Variants in WDR7 observed in about 807,000 individuals in gnomAD.
The protein encoded by WDR7 is WD repeat domain 7, also known as WD repeat-containing protein 7.
In WDR7, 46 loss-of-function variants were observed where a neutral mutation model predicts 169.4. That is an observed-to-expected ratio of 0.27 (90% CI 0.21 to 0.35). The LOEUF (loss-of-function observed/expected upper bound fraction) is 0.35, where lower values mean the gene tolerates loss of function less well. Among genes scored for constraint, WDR7 ranks in the 10% least tolerant of loss-of-function variants. The probability of loss-of-function intolerance (pLI) is 1.00; values close to 1 mark genes in which losing one functional copy is unlikely to be tolerated. For synonymous variants in WDR7, 612 were observed against 666.8 expected (o/e 0.92, Z 1.27); for missense variants, 1,534 against 1,859.3 (o/e 0.83, Z 3.22).
At chr18:56,665,257 C>T (rs2144482139) in intron 1 of WDR7, among the ~76,000 whole-genome samples, 1 of 150,198 alleles carries the variant, frequency 6.7e-6, no homozygotes. Flanking sequence ...TGCACCACTG[C>T]ACTCCCGCCT....
chr18:56,891,773 G>A (rs942544524), intron 21 of WDR7, among the ~76,000 whole-genome samples: 1 of 152,028 alleles, frequency 6.6e-6, no homozygotes, highest in Non-Finnish European at 1.5e-5. Context: ...TTAGTTCTCA[G>A]AGGATTTGTG....
intron 19 of WDR7, among the ~76,000 whole-genome samples, chr18:56,793,407 T>C (rs1031822811): frequency 1.3e-5 from 2 of 152,230 alleles, no homozygotes; most frequent in Non-Finnish European, 2.9e-5. Context: ...TGTCGTTGGA[T>C]GAAGTTAAAT....
intron 20 of WDR7, among the ~76,000 whole-genome samples, chr18:56,837,476 C>T (rs1193848176): frequency 6.6e-6 from 1 of 152,028 alleles, no homozygotes; most frequent in Non-Finnish European, 1.5e-5. Flanking sequence ...GGTTTTATTA[C>T]CTCTAATTTT....
chr18:56,890,994 G>C (rs757077849), intron 21 of WDR7: 11 of 152,132 alleles, frequency 7.2e-5, no homozygotes, highest in Non-Finnish European at 1.3e-4. Context: ...AGAAAGCCAG[G>C]GGTGGGATTC....
chr18:56,705,526 T>A (rs371846763), intron 12 of WDR7, among the ~76,000 whole-genome samples: 11 of 152,194 alleles, frequency 7.2e-5, no homozygotes, highest in African/African-American at 2.4e-4. Flanking sequence ...TCATAAATGA[T>A]ACATTAACAA....
chr18:56,887,014 A>G (rs1030424178), intron 21 of WDR7, among the ~76,000 whole-genome samples: 2 of 152,158 alleles, frequency 1.3e-5, no homozygotes, highest in African/African-American at 4.8e-5. Context: ...ATAGCAACAC[A>G]ATAATAATGG....
At chr18:56,919,885 A>T (rs966695366) in intron 21 of WDR7, among the ~76,000 whole-genome samples, 1 of 152,184 alleles carries the variant, frequency 6.6e-6, no homozygotes, top group African/African-American at 2.4e-5. Flanking sequence ...CTGATTTTTT[A>T]AAAATGAAAT....
In WDR7 at chr18:56,912,881, AT is replaced by A. The variant is rs780826650; in HGVS notation, c.3527-11028del. Among the ~76,000 whole-genome samples the A allele has an allele frequency of 3.5e-3, 510 of 144,888 alleles. 3 individuals carry two copies. Among genetic ancestry groups the A allele is most frequent in the African/African-American group, 0.01 (407 of 39,672 alleles). ...TACATGTATTTTTAGTTTTAATTTA[AT>A]TTTTTTTTTTTTGAGACGGTCTCAC... On this transcript the variant is annotated intron_variant, in intron 21 of 27. Coordinates refer to ENST00000254442, the MANE Select transcript of WDR7 (RefSeq NM_015285.3).
At chr18:56,839,934 T>G (rs1599090455) in intron 20 of WDR7, among the ~76,000 whole-genome samples, 1 of 151,984 alleles carries the variant, frequency 6.6e-6, no homozygotes, top group Non-Finnish European at 1.5e-5. Flanking sequence ...TGGTGGCAGG[T>G]GCCTGTAATC....
chr18:56,998,541 T>C (rs991791), intron 26 of WDR7, among the ~76,000 whole-genome samples: 93,560 of 151,976 alleles, frequency 0.62, 29,365 homozygotes, highest in Middle Eastern at 0.73. Flanking sequence ...GTTTAACTTC[T>C]GTACTTCTTT....
At chr18:56,973,130 C>T (rs1321875324) in intron 26 of WDR7, among the ~76,000 whole-genome samples, 1 of 152,228 alleles carries the variant, frequency 6.6e-6, no homozygotes. Flanking sequence ...CCTACCTCAT[C>T]CTACCAAAGT....
chr18:56,828,506 A>G (rs1232015607), intron 20 of WDR7, among the ~76,000 whole-genome samples: 1 of 152,226 alleles, frequency 6.6e-6, no homozygotes, highest in Non-Finnish European at 1.5e-5. Context: ...TTTAGAAAAC[A>G]TGTTTGAAAA....
At chr18:56,921,799 T>C (rs1568267809) in intron 21 of WDR7, among the ~76,000 whole-genome samples, 1 of 152,184 alleles carries the variant, frequency 6.6e-6, no homozygotes, top group Non-Finnish European at 1.5e-5. Context: ...TATTGTTTAT[T>C]TTCACTCTCA....
At chr18:56,949,692 T>C (rs995479230) in intron 25 of WDR7, among the ~76,000 whole-genome samples, 4 of 152,354 alleles carry the variant, frequency 2.6e-5, no homozygotes, top group Middle Eastern at 3.4e-3. Flanking sequence ...TGCAGTCACA[T>C]GAACTTTACT....
intron 1 of WDR7, among the ~76,000 whole-genome samples, chr18:56,669,801 G>A (rs1420817334): frequency 1.3e-5 from 2 of 152,004 alleles, no homozygotes; most frequent in African/African-American, 4.8e-5. Flanking sequence ...AATAAATCCT[G>A]TCCTGTGACT....
intron 20 of WDR7, among the ~76,000 whole-genome samples, chr18:56,872,200 A>G (rs2045962113): frequency 6.6e-6 from 1 of 152,154 alleles, no homozygotes; most frequent in Non-Finnish European, 1.5e-5. Context: ...AGAACTTAAT[A>G]TGTCTTTTAA....
chr18:56,736,976 T>C lies in WDR7; in HGVS notation c.1989+5379T>C, dbSNP rs116665207. Among the ~76,000 whole-genome samples the C allele has an allele frequency of 3.8e-3, 580 of 152,238 alleles. 9 individuals are homozygous for C. Among genetic ancestry groups the C allele is most frequent in the African/African-American group, 0.013 (560 of 41,534 alleles). On this transcript the variant is annotated intron_variant, in intron 14 of 27. Transcript: ENST00000254442. ...GAAATTGTTTCTTTGTAATTGGTAA[T>C]GATTAAAGAGAGGAAGATGAATGTA...
chr18:56,916,135 T>C (rs1360272987), intron 21 of WDR7, among the ~76,000 whole-genome samples: 1 of 152,208 alleles, frequency 6.6e-6, no homozygotes, highest in Non-Finnish European at 1.5e-5. Flanking sequence ...TTTTTTATTA[T>C]ATTTTAAGTT....
At chr18:56,939,415 T>A (rs907460513) in intron 25 of WDR7, 22 bp downstream of exon 25, 7 of 1,512,822 alleles carry the variant, frequency 4.6e-6, no homozygotes, top group Middle Eastern at 1.8e-4. Flanking sequence ...TTCAAGAGCA[T>A]GCAGAATAAA....
Sources: gnomAD v4.1 joint callset for allele counts (sites outside exome capture counted in the v4.1 genomes callset) on GRCh38, gnomAD v4.1.1 for gene constraint, MANE v1.5 for transcripts, NCBI Gene and HGNC (gene_info 2026-07-23, HGNC 2026-07-21) for gene names.